The following LYRM4 variants were observed in gnomAD, a reference collection of about 807,000 sequenced individuals.
LYRM4 encodes the protein LYR motif containing 4, also known as LYR motif-containing protein 4.
A neutral mutation model predicts 11.7 loss-of-function variants in LYRM4; 9 were observed. The ratio of observed to expected loss-of-function variants is 0.77; its 90% CI spans 0.46 to 1.34. The LOEUF (loss-of-function observed/expected upper bound fraction) is 1.34, where lower values mean the gene tolerates loss of function less well. Ranked by LOEUF, LYRM4 falls within the 40% of genes most tolerant of loss-of-function variation. LYRM4 has a pLI of 0.00. For missense variants in LYRM4, 133 were observed against 112.5 expected (o/e 1.18, Z -0.82); for synonymous variants, 42 against 40.4 (o/e 1.04, Z -0.15).
At chr6:5,228,375 C>T (rs1763022219) in intron 1 of LYRM4, among the ~76,000 whole-genome samples, 1 of 151,994 alleles carries the variant, frequency 6.6e-6, no homozygotes, top group Admixed American at 6.6e-5. Context: ...CTCCCTGGTT[C>T]AAGTGATTCT....
chr6:5,239,022 T>G (rs1763710363), intron 1 of LYRM4, among the ~76,000 whole-genome samples: 1 of 152,180 alleles, frequency 6.6e-6, no homozygotes. Flanking sequence ...AGCAGCAGAA[T>G]CAGATTTGGA....
chr6:5,093,506 G>A, the LYRM4 span, among the ~76,000 whole-genome samples: 64,538 of 152,238 alleles, frequency 0.42, 16,597 homozygotes, highest in East Asian at 0.78. Context: ...CAAAGGCAGA[G>A]TTTTCTGAGC....
rs142207990 is a variant in LYRM4, at chr6:5,134,446, G to A, written c.208-24955C>T. ...GACAGATCACCCAGTTTGAAGATTG[G>A]TGATATTTGTGAGACATTAAAATTT... On this transcript the variant is annotated intron_variant, in intron 2 of 2. Transcript: ENST00000330636. 3.9e-5 allele frequency among the ~76,000 whole-genome samples: 6 copies of A among 152,302 alleles called. No individual in the cohort carries two copies. In the East Asian group the frequency reaches 1.2e-3, roughly 29 times the overall value.
intron 2 of LYRM4, chr6:5,136,858 C>T (rs1581352867): frequency 2.1e-6 from 2 of 974,092 alleles, no homozygotes; most frequent in Non-Finnish European, 2.4e-6. Flanking sequence ...AATTCATACA[C>T]CATCAAATCT....
At chr6:5,111,428 C>T (rs1017591543) in intron 2 of LYRM4, among the ~76,000 whole-genome samples, 6 of 152,182 alleles carry the variant, frequency 3.9e-5, no homozygotes, top group African/African-American at 9.7e-5. Flanking sequence ...GCTTTAGTAG[C>T]AGGCAGGAGT....
At chr6:5,036,733 G>A in the LYRM4 span, among the ~76,000 whole-genome samples, 2 of 152,192 alleles carry the variant, frequency 1.3e-5, no homozygotes, top group Non-Finnish European at 2.9e-5. Context: ...CTGAGATAAA[G>A]GCCTCCCTCT....
chr6:5,161,826 G>A (rs187396884), intron 2 of LYRM4, among the ~76,000 whole-genome samples: 6 of 152,242 alleles, frequency 3.9e-5, no homozygotes, highest in Admixed American at 3.3e-4. Flanking sequence ...ACACATGAAC[G>A]ATCTAGGCCT....
chr6:5,146,000 A>G (rs1396072855), intron 2 of LYRM4, among the ~76,000 whole-genome samples: 1 of 152,000 alleles, frequency 6.6e-6, no homozygotes, highest in African/African-American at 2.4e-5. Context: ...TCTGCAATTA[A>G]TTTTTCTCAT....
chr6:5,250,454 A>C (rs889352762), intron 1 of LYRM4, among the ~76,000 whole-genome samples: 1 of 152,222 alleles, frequency 6.6e-6, no homozygotes, highest in African/African-American at 2.4e-5. Flanking sequence ...TTCTACTCTA[A>C]GTTAACCGTA....
chr6:5,251,797 C>A (rs1219912696), intron 1 of LYRM4, among the ~76,000 whole-genome samples: 1 of 152,152 alleles, frequency 6.6e-6, no homozygotes, highest in African/African-American at 2.4e-5. Flanking sequence ...GAGGCAGTCA[C>A]TGTTAAAAGA....
At chr6:5,118,270 C>T (rs1004087210) in intron 2 of LYRM4, among the ~76,000 whole-genome samples, 1 of 151,868 alleles carries the variant, frequency 6.6e-6, no homozygotes, top group African/African-American at 2.4e-5. Flanking sequence ...GCATGCACCA[C>T]CACACCTGGC....
the LYRM4 span, chr6:5,086,259 C>T: frequency 6.5e-7 from 1 of 1,535,594 alleles, no homozygotes; most frequent in Non-Finnish European, 8.7e-7. Context: ...CCGAGTGGCG[C>T]TCCTTCCTGG....
the LYRM4 span, among the ~76,000 whole-genome samples, chr6:5,036,089 A>G: frequency 6.8e-6 from 1 of 147,240 alleles, no homozygotes; most frequent in Non-Finnish European, 1.5e-5. Context: ...TTTAAAATTA[A>G]CATGTTAAGA....
chr6:5,069,627 T>A, the LYRM4 span, among the ~76,000 whole-genome samples: 1 of 152,096 alleles, frequency 6.6e-6, no homozygotes, highest in Non-Finnish European at 1.5e-5. Context: ...ACTATAGGCA[T>A]GCGCCACCAC....
At chr6:5,229,050 A>C (rs1236018566) in intron 1 of LYRM4, among the ~76,000 whole-genome samples, 1 of 151,906 alleles carries the variant, frequency 6.6e-6, no homozygotes, top group Non-Finnish European at 1.5e-5. Context: ...TAGCCCAGAA[A>C]AGGAAAATAG....
intron 2 of LYRM4, among the ~76,000 whole-genome samples, chr6:5,196,316 ACTGCCTCTAC>A (rs946229354): frequency 1.3e-5 from 2 of 152,034 alleles, no homozygotes; most frequent in African/African-American, 4.8e-5. Context: ...CCAACACCCT[ACTGCCTCTAC>A]CTGCTTTAAC....
chr6:5,163,315 G>A (rs1327370013), intron 2 of LYRM4, among the ~76,000 whole-genome samples: 2 of 152,194 alleles, frequency 1.3e-5, no homozygotes, highest in African/African-American at 4.8e-5. Flanking sequence ...TGACAAGGCC[G>A]TGCCATGCCC....
intron 2 of LYRM4, among the ~76,000 whole-genome samples, chr6:5,184,871 G>A (rs922962783): frequency 1.3e-5 from 2 of 152,220 alleles, no homozygotes; most frequent in Non-Finnish European, 2.9e-5. Context: ...AGCAGTGGAA[G>A]AACATATCCT....
At chr6:5,097,565 G>C in the LYRM4 span, among the ~76,000 whole-genome samples, 5 of 152,286 alleles carry the variant, frequency 3.3e-5, no homozygotes, top group East Asian at 9.6e-4. Flanking sequence ...TGTCCAGGCT[G>C]GTCTCTAATT....
Sources: gnomAD v4.1 joint callset for allele counts (sites outside exome capture counted in the v4.1 genomes callset) on GRCh38, gnomAD v4.1.1 for gene constraint, MANE v1.5 for transcripts, NCBI Gene and HGNC (gene_info 2026-07-23, HGNC 2026-07-21) for gene names.